OR9K2: variants seen among roughly 807,000 people sequenced by gnomAD.
OR9K2 encodes the protein olfactory receptor 9K2.
Under a neutral mutation model 12.4 loss-of-function variants are expected in OR9K2, and 16 were observed. The observed-to-expected ratio is 1.29, with a 90% CI of 0.87 to 1.95. The LOEUF (loss-of-function observed/expected upper bound fraction) is 1.95. Ranked by LOEUF, OR9K2 falls within the 30% of genes most tolerant of loss-of-function variation. The pLI, the probability that OR9K2 is intolerant of heterozygous loss-of-function variation, is 0.00. For synonymous variants in OR9K2, 133 were observed against 133.2 expected, an observed-to-expected ratio of 1.00 and a Z score of 0.01; for missense variants, 434 against 376.5, an observed-to-expected ratio of 1.15 and a Z score of -1.26.
rs763519211 is a variant in OR9K2 at position 55,130,696 on chromosome 12, C to A, written c.862C>A (p.Pro288Thr). The change falls in exon 3 of 3, where the codon CCT (proline) becomes ACT (threonine). Residue 288 changes from proline (P) to threonine (T), a missense_variant. By Grantham distance (38) the Pro-to-Thr change is conservative. Transcript: ENST00000641329. ...CYSLVTPMLN[P>T]LIYSLRNKDV... ...CTCCCTAGTCACTCCCATGTTGAAT[C>A]CTTTGATTTACTCTCTGAGGAACAA... 5 of 1,611,362 alleles carry A rather than the reference C, an allele frequency of 3.1e-6. No homozygotes were observed. The highest frequency in any genetic ancestry group is 4.2e-6 in the Non-Finnish European group (5 of 1,177,672).
chr12:55,127,345 G>A (rs541860685), intron 2 of OR9K2, among the ~76,000 whole-genome samples: 5 of 151,602 alleles, frequency 3.3e-5, no homozygotes, highest in African/African-American at 1.2e-4. Context: ...AATCTGTTTT[G>A]CTTCTAGATG....
At chr12:55,127,531 T>C (rs11171304) in intron 2 of OR9K2, among the ~76,000 whole-genome samples, 49,404 of 151,788 alleles carry the variant, frequency 0.33, 8,313 homozygotes, top group Middle Eastern at 0.41. Flanking sequence ...TTTGATAAAA[T>C]GGGTGAATAT....
chr12:55,131,110 A>C lies in OR9K2; in HGVS notation c.*334A>C, dbSNP rs1953470558. 5.6e-6 allele frequency: 1 copy of C among 179,058 alleles called. No homozygotes were observed. The highest frequency in any genetic ancestry group is 1.4e-4 in the South Asian group (1 of 6,986). 11.1% of individuals were successfully genotyped at this position (179,058 alleles called of 1,614,324 possible). ...TGTTATAGTGCTTCAGCAAGATTTT[A>C]TCTGGTGTTTGTCTTTGGGATTGCC... On this transcript the variant is annotated 3_prime_UTR_variant, in exon 3 of 3. Coordinates refer to ENST00000641329, the MANE Select transcript of OR9K2 (RefSeq NM_001005243.2).
Position 55,130,524 on chromosome 12 carries a change from G to A in OR9K2, c.690G>A (p.Lys230=). The change falls in exon 3 of 3, where the codon AAG becomes AAA. Residue 230 remains lysine (K), a synonymous_variant. Coordinates refer to ENST00000641329, the MANE Select transcript of OR9K2 (RefSeq NM_001005243.2). The part of the protein sequence containing the change: ...SYMYIVSTVL[K]IHSTEGHKKA... ...TGTATATTGTGTCCACAGTTCTAAA[G>A]ATACATTCTACTGAGGGACATAAGA... 1 of 1,613,784 alleles carries A rather than the reference G, an allele frequency of 6.2e-7. No homozygotes were observed. Among genetic ancestry groups the A allele is most frequent in the Non-Finnish European group, 8.5e-7 (1 of 1,179,800 alleles).
intron 2 of OR9K2, among the ~76,000 whole-genome samples, chr12:55,127,329 T>C: frequency 6.6e-6 from 1 of 151,734 alleles, no homozygotes; most frequent in East Asian, 1.9e-4. Context: ...TCTTAGAAAT[T>C]AAAATAATCT....
In OR9K2 at chr12:55,129,776, G is replaced by T. The variant is rs772074536; in HGVS notation, c.-9-50G>T. 23 of 1,601,046 alleles carry T rather than the reference G, an allele frequency of 1.4e-5. No homozygotes were observed. In the South Asian group the frequency reaches 2.0e-4, roughly 14 times the overall value. On this transcript the variant is annotated intron_variant, in intron 2 of 2. Coordinates refer to ENST00000641329, the MANE Select transcript of OR9K2 (RefSeq NM_001005243.2). ...CATAAGAGATTATTTGTAATGCTAG[G>T]ATCCAAACCAAGAGTTCATTTGTAT...
In OR9K2 at chr12:55,130,057, T is replaced by G. The variant is rs1158857011; in HGVS notation, c.223T>G (p.Phe75Val). 6.2e-7 allele frequency: 1 copy of G among 1,612,566 alleles called. No individual in the cohort carries two copies. Among genetic ancestry groups the G allele is most frequent in the Non-Finnish European group, 8.5e-7 (1 of 1,179,974 alleles). Reference sequence around the variant, plus strand: ...AGGCAATCTCTCCTTCATTGATCTTTTCTATTCATCTGTTATTGAACCCAA... The same window carrying G: ...AGGCAATCTCTCCTTCATTGATCTTGTCTATTCATCTGTTATTGAACCCAA... ...FLGNLSFIDL[F>V]YSSVIEPKAM... is the part of the protein sequence containing the mutation. The change falls in exon 3 of 3, where the codon TTC becomes GTC. Residue 75 changes from phenylalanine to valine, a missense_variant. Physicochemically the swap from Phe to Val is conservative, Grantham distance 50 (BLOSUM62 -1). Coordinates refer to ENST00000641329, the MANE Select transcript of OR9K2 (RefSeq NM_001005243.2).
Position 55,130,468 on chromosome 12 carries a change from C to T in OR9K2, c.634C>T (p.Pro212Ser), listed in dbSNP as rs1953464946. ...SFSLSCIIIL[P>S]TIIVIIVSYM... is the part of the protein sequence containing the mutation. ...TTCCTTATCATGTATTATTATCTTG[C>T]CTACTATCATAGTCATTATAGTATC... Residue 212 changes from proline to serine, a missense_variant, in exon 3 of 3, where the codon CCT (proline) becomes TCT (serine). Coordinates refer to ENST00000641329, the MANE Select transcript of OR9K2 (RefSeq NM_001005243.2). 6.2e-7 allele frequency: 1 copy of T among 1,611,856 alleles called. No individual in the cohort carries two copies. Among genetic ancestry groups the T allele is most frequent in the Non-Finnish European group, 8.5e-7 (1 of 1,178,260 alleles).
In OR9K2 at chr12:55,130,792, C is replaced by T. The variant is rs761426868; in HGVS notation, c.*16C>T. 1.3e-5 allele frequency: 19 copies of T among 1,407,600 alleles called. No homozygotes were observed. The highest frequency in any genetic ancestry group is 1.9e-5 in the Non-Finnish European group (19 of 1,021,756). 87.2% of individuals were successfully genotyped at this position (1,407,600 alleles called of 1,614,324 possible). A position where few individuals can be genotyped will look rare whatever the true frequency, so the allele number is the denominator to read the frequency against. ...TATTCTTTGATTATTATTTCTCTTT[C>T]ACCAATTTTATTGTGGCTATTTATT... On this transcript the variant is annotated 3_prime_UTR_variant, in exon 3 of 3. Coordinates refer to ENST00000641329, the MANE Select transcript of OR9K2 (RefSeq NM_001005243.2).
chr12:55,131,057 G>A lies in OR9K2; in HGVS notation c.*281G>A, dbSNP rs56243450. ...GAATTTATATCTATTGATTCTTGTGGCATAATGTAGAACAATATTTTGTAT... is the reference window on the plus strand; with the variant it reads ...GAATTTATATCTATTGATTCTTGTGACATAATGTAGAACAATATTTTGTAT... On this transcript the variant is annotated 3_prime_UTR_variant, in exon 3 of 3. Coordinates refer to ENST00000641329, the MANE Select transcript of OR9K2 (RefSeq NM_001005243.2). 1,100 of 256,010 alleles carry A rather than the reference G, an allele frequency of 4.3e-3. 13 individuals carry two copies. Among genetic ancestry groups the A allele is most frequent in the African/African-American group, 0.023 (1,041 of 44,346 alleles). 15.9% of individuals were successfully genotyped at this position (256,010 alleles called of 1,614,324 possible).
In OR9K2 at chr12:55,131,461, G is replaced by T. The variant is rs1247539406; in HGVS notation, c.*685G>T. The T allele has an allele frequency of 6.6e-6, 1 of 152,086 alleles. No individual in the cohort carries two copies. Among genetic ancestry groups the T allele is most frequent in the Non-Finnish European group, 1.5e-5 (1 of 68,004 alleles). 9.4% of individuals were successfully genotyped at this position (152,086 alleles called of 1,614,324 possible). ...TCATGCCCTCAATTTTGATCTTCAT[G>T]ATTTTGTCTTGTGTTAATAATTGAT... On this transcript the variant is annotated 3_prime_UTR_variant, in exon 3 of 3. Coordinates refer to ENST00000641329, the MANE Select transcript of OR9K2 (RefSeq NM_001005243.2).
chr12:55,128,697 G>A (rs1309278468), intron 2 of OR9K2, among the ~76,000 whole-genome samples: 1 of 152,060 alleles, frequency 6.6e-6, no homozygotes, highest in East Asian at 1.9e-4. Flanking sequence ...AAAGCCCTTA[G>A]GACAGAGAAA....
At chr12:55,129,015 C>T (rs1953448321) in intron 2 of OR9K2, among the ~76,000 whole-genome samples, 1 of 152,158 alleles carries the variant, frequency 6.6e-6, no homozygotes, top group African/African-American at 2.4e-5. Flanking sequence ...GGGTACTAGG[C>T]TTAATACCCT....
intron 2 of OR9K2, chr12:55,129,531 T>C (rs909079435): frequency 4.2e-6 from 2 of 475,348 alleles, no homozygotes; most frequent in Non-Finnish European, 7.4e-6. Context: ...GAGTGGGAAA[T>C]GTATAAAGAA....
chr12:55,127,894 A>G (rs56204713), intron 2 of OR9K2, among the ~76,000 whole-genome samples: 49,413 of 151,704 alleles, frequency 0.33, 8,316 homozygotes, highest in Middle Eastern at 0.4. Context: ...AACTTTGAGG[A>G]CTCTTATTTC....
rs760136771 is a variant in OR9K2, at chr12:55,130,041, C to T, written c.207C>T (p.Leu69=). ...CAATGTATTTTTTCCTAGGCAATCTCTCCTTCATTGATCTTTTCTATTCAT... is the reference window on the plus strand; with the variant it reads ...CAATGTATTTTTTCCTAGGCAATCTTTCCTTCATTGATCTTTTCTATTCAT... The part of the protein sequence containing the change: ...NTPMYFFLGN[L]SFIDLFYSSV... The change falls in exon 3 of 3, where the codon CTC becomes CTT. Residue 69 remains leucine (L), a synonymous_variant. Transcript: ENST00000641329. 4.3e-6 allele frequency: 7 copies of T among 1,612,724 alleles called. No homozygotes were observed. The highest frequency in any genetic ancestry group is 2.2e-5 in the South Asian group (2 of 91,088).
intron 2 of OR9K2, among the ~76,000 whole-genome samples, chr12:55,127,967 A>G (rs1029343379): frequency 6.6e-6 from 1 of 152,002 alleles, no homozygotes; most frequent in African/African-American, 2.4e-5. Flanking sequence ...CCAAGATCCC[A>G]TTTAGAAAGT....
intron 2 of OR9K2, 63 bp downstream of exon 2, chr12:55,126,974 TGGC>T (rs1294458230): frequency 1.3e-5 from 2 of 152,092 alleles, no homozygotes; most frequent in Non-Finnish European, 2.9e-5. Context: ...TACTTGTTGT[TGGC>T]TTCTGCGGGA....
rs906693279 is a variant in OR9K2, at chr12:55,131,470, T to G, written c.*694T>G. 2.0e-5 allele frequency: 3 copies of G among 152,136 alleles called. No individual in the cohort carries two copies. The highest frequency in any genetic ancestry group is 4.8e-5 in the African/African-American group (2 of 41,428). The allele number at this position is 152,136 out of a possible 1,614,324, so 9.4% of individuals were successfully genotyped here. ...CAATTTTGATCTTCATGATTTTGTC[T>G]TGTGTTAATAATTGATAAGGAATAG... On this transcript the variant is annotated 3_prime_UTR_variant, in exon 3 of 3. Coordinates refer to ENST00000641329, the MANE Select transcript of OR9K2 (RefSeq NM_001005243.2).
Sources: allele counts gnomAD v4.1 joint callset (sites outside exome capture counted in the v4.1 genomes callset), GRCh38; gene constraint gnomAD v4.1.1; transcripts MANE v1.5; gene names NCBI Gene and HGNC (gene_info 2026-07-23, HGNC 2026-07-21).